Variants in ADAM17 observed in about 807,000 individuals in gnomAD.
ADAM17 encodes the protein disintegrin and metalloproteinase domain-containing protein 17.
In ADAM17, 39 loss-of-function variants were observed where a neutral mutation model predicts 96.7. That is an observed-to-expected ratio of 0.40 (90% CI 0.31 to 0.53). The LOEUF is 0.53. Ranked by LOEUF, ADAM17 falls within the 20% of genes least tolerant of loss-of-function variation. The pLI is 0.44. For synonymous variants in ADAM17, 344 were observed against 359.2 expected, an observed-to-expected ratio of 0.96 and a Z score of 0.48; for missense variants, 777 against 1,013.2, an observed-to-expected ratio of 0.77 and a Z score of 3.17.
intron 1 of ADAM17, among the ~76,000 whole-genome samples, chr2:9,545,790 C>T (rs1309977200): frequency 6.6e-6 from 1 of 152,050 alleles, no homozygotes; most frequent in African/African-American, 2.4e-5. Context: ...ATGTCGTTCA[C>T]AAAAGGTTTT....
rs765021012 is a variant in ADAM17, at chr2:9,521,330, G to A, written c.844-14C>T. Reference sequence around the variant, plus strand: ...GAGAATGCGAATCTATACTTAAAGAGATCATATACTTAGAACACTTCCAAA... The same window carrying A: ...GAGAATGCGAATCTATACTTAAAGAAATCATATACTTAGAACACTTCCAAA... On this transcript the variant is annotated splice_polypyrimidine_tract_variant and intron_variant, in intron 7 of 18. Coordinates refer to ENST00000310823, the MANE Select transcript of ADAM17 (RefSeq NM_003183.6). The A allele has an allele frequency of 3.3e-6, 5 of 1,532,410 alleles. No homozygotes were observed. The South Asian group carries it at 4.5e-5, about 14-fold the overall frequency. The allele number at this position is 1,532,410 out of a possible 1,614,324, so 94.9% of individuals were successfully genotyped here. A position where few individuals can be genotyped will look rare whatever the true frequency, so the allele number is the denominator to read the frequency against.
In ADAM17 at chr2:9,551,546, A is replaced by G. The variant is rs552617072; in HGVS notation, c.97+3963T>C. Among the ~76,000 whole-genome samples the G allele has an allele frequency of 4.0e-5, 6 of 151,788 alleles. No homozygotes were observed. The South Asian group carries it at 1.2e-3, about 32-fold the overall frequency. ...GCGATCTCGGCTCACTGCAAGCTCC[A>G]CCTCCCAGGTTCACACCATTCTCCT... is the stretch of plus-strand genomic sequence containing the variant. On this transcript the variant is annotated intron_variant, in intron 1 of 18. Transcript: ENST00000310823.
At chr2:9,542,209 T>C (rs754993772) in intron 2 of ADAM17, among the ~76,000 whole-genome samples, 7 of 152,018 alleles carry the variant, frequency 4.6e-5, no homozygotes, top group Non-Finnish European at 8.8e-5. Flanking sequence ...ATCCATCAAT[T>C]TATGCTAAGA....
intron 16 of ADAM17, 38 bp downstream of exon 16, chr2:9,493,709 A>G: frequency 6.4e-7 from 1 of 1,551,110 alleles, no homozygotes; most frequent in Non-Finnish European, 8.9e-7. Context: ...ACAGAAATTG[A>G]CTCAGCTCTC....
rs1663048540 is a variant in ADAM17 at position 9,502,249 on chromosome 2, G to A, written c.1572C>T (p.Asn524=). 6.2e-7 allele frequency: 1 copy of A among 1,614,008 alleles called. No individual in the cohort carries two copies. Among genetic ancestry groups the A allele is most frequent in the Non-Finnish European group, 8.5e-7 (1 of 1,180,026 alleles). ...TCTTCTGGGCAGTCTCAAACTGACA[G>A]TTTTTACAGCAAGGACTGTTCCTGT... ...CSDRNSPCCK[N]CQFETAQKKC... Residue 524 remains asparagine (N), a synonymous_variant, in exon 13 of 19, where the codon AAC becomes AAT. Transcript: ENST00000310823.
intron 8 of ADAM17, among the ~76,000 whole-genome samples, chr2:9,519,698 T>G (rs1054389424): frequency 1.3e-5 from 2 of 152,164 alleles, no homozygotes; most frequent in African/African-American, 4.8e-5. Context: ...GCTGGTGTCC[T>G]GATAAGGAGA....
intron 4 of ADAM17, among the ~76,000 whole-genome samples, chr2:9,531,053 G>C (rs907461949): frequency 2.0e-5 from 3 of 152,108 alleles, no homozygotes; most frequent in Non-Finnish European, 4.4e-5. Context: ...TGTCTCCCAG[G>C]TTCAAGCGAT....
chr2:9,546,433 C>T (rs1189769836), intron 1 of ADAM17, among the ~76,000 whole-genome samples: 3 of 152,188 alleles, frequency 2.0e-5, no homozygotes, highest in Non-Finnish European at 2.9e-5. Context: ...ACTGTAGCTA[C>T]GTACTACTGC....
Position 9,520,447 on chromosome 2 carries a change from T to C in ADAM17, c.957+756A>G, listed in dbSNP as rs1369364547. ...AAAATTTTAAATTCCTGTAGAGAAC[T>C]TTCAGATCTCCAAGCTATATTTCTA... On this transcript the variant is annotated intron_variant, in intron 8 of 18. Transcript: ENST00000310823. Among the ~76,000 whole-genome samples, 2 of 152,180 alleles carry C rather than the reference T, an allele frequency of 1.3e-5. 1 individual carries two copies. The highest frequency in any genetic ancestry group is 3.9e-4 in the East Asian group (2 of 5,190).
rs2124947605 is a variant in ADAM17 at position 9,490,208 on chromosome 2, T to C, written c.2444A>G (p.Asn815Ser). ...CTCTGTTTCTTTGCTGTCAACACGATTCTGACGCTGCAGTTTAAAGGAGGC... is the reference window on the plus strand; with the variant it reads ...CTCTGTTTCTTTGCTGTCAACACGACTCTGACGCTGCAGTTTAAAGGAGGC... ...KAASFKLQRQ[N>S]RVDSKETEC Residue 815 changes from asparagine (N) to serine (S), a missense_variant, in exon 19 of 19, where the codon AAT becomes AGT. Transcript: ENST00000310823. 2 of 1,599,986 alleles carry C rather than the reference T, an allele frequency of 1.3e-6. No homozygotes were observed. Among genetic ancestry groups the C allele is most frequent in the Admixed American group, 3.3e-5 (2 of 59,830 alleles).
Position 9,536,790 on chromosome 2 carries a change from A to G in ADAM17, c.269T>C (p.Phe90Ser), listed in dbSNP as rs1336613139. The G allele has an allele frequency of 6.2e-7, 1 of 1,614,110 alleles. No homozygotes were observed. The highest frequency in any genetic ancestry group is 1.7e-5 in the Admixed American group (1 of 60,024). The change falls in exon 3 of 19, where the codon TTT becomes TCT. Residue 90 changes from phenylalanine to serine, a missense_variant. Phe to Ser is a radical substitution (Grantham distance 155). Transcript: ENST00000310823. ...KLYLTSSTER[F>S]SQNFKVVVVD... is the part of the protein sequence containing the mutation. ...CACCACGACCTTGAAATTTTGTGAA[A>G]AACGTTCAGTACTTGATGTCAGGTA... is the stretch of plus-strand genomic sequence containing the variant.
At chr2:9,550,056 G>A (rs1665534697) in intron 1 of ADAM17, among the ~76,000 whole-genome samples, 1 of 152,072 alleles carries the variant, frequency 6.6e-6, no homozygotes, top group South Asian at 2.1e-4. Context: ...TGTTTGTGCT[G>A]AAGACACAGG....
Position 9,490,119 on chromosome 2 carries a change from G to T in ADAM17, c.*58C>A. ...ACAAAATACAAGCTGTGATTGATTT[G>T]TAGGTCAAATCTATAAAAATATTTT... On this transcript the variant is annotated 3_prime_UTR_variant, in exon 19 of 19. Coordinates refer to ENST00000310823, the MANE Select transcript of ADAM17 (RefSeq NM_003183.6). 1 of 1,417,000 alleles carries T rather than the reference G, an allele frequency of 7.1e-7. No homozygotes were observed. The highest frequency in any genetic ancestry group is 9.6e-7 in the Non-Finnish European group (1 of 1,039,820). The allele number at this position is 1,417,000 out of a possible 1,614,324, so 87.8% of individuals were successfully genotyped here. A position where few individuals can be genotyped will look rare whatever the true frequency, so the allele number is the denominator to read the frequency against.
At position 9,520,964 on chromosome 2, in the gene ADAM17, CAAAAAAAAA is replaced by C. The variant is rs55909096; in HGVS notation, c.957+230_957+238del. On this transcript the variant is annotated intron_variant, in intron 8 of 18. Transcript: ENST00000310823. ...GGGCAACAAGAGTGAAACTCTGTCT[CAAAAAAAAA>C]AAAAAAAAAAAAAGGAAGCATTGCT... is the stretch of plus-strand genomic sequence containing the variant. Among the ~76,000 whole-genome samples, 10 of 26,284 alleles carry C rather than the reference CAAAAAAAAA, an allele frequency of 3.8e-4. 2 individuals carry two copies. The highest frequency in any genetic ancestry group is 7.8e-4 in the Admixed American group (2 of 2,554). 17.2% of individuals were successfully genotyped at this position (26,284 alleles called of 152,430 possible). A position where few individuals can be genotyped will look rare whatever the true frequency, so the allele number is the denominator to read the frequency against.
At chr2:9,492,181 T>G (rs746580951) in intron 17 of ADAM17, among the ~76,000 whole-genome samples, 7 of 152,218 alleles carry the variant, frequency 4.6e-5, no homozygotes, top group Non-Finnish European at 7.3e-5. Context: ...AAGGCCACTA[T>G]GAAAGAGTTT....
intron 1 of ADAM17, 123 bp downstream of exon 1, chr2:9,555,386 C>G (rs1175211970): frequency 2.6e-5 from 21 of 794,418 alleles, no homozygotes; most frequent in South Asian, 2.0e-5. Flanking sequence ...ACACTGAAAA[C>G]TTAGGGACGC....
In ADAM17 at chr2:9,527,889, G is replaced by A. The variant is rs1572939240; in HGVS notation, c.516C>T (p.Ile172=). The change falls in exon 5 of 19, where the codon ATC becomes ATT. Residue 172 remains isoleucine (I), a synonymous_variant. Transcript: ENST00000310823. ...GAGACTGCAAACGTGAAACATTCTT[G>A]ATATCTTCAGATTTATAAACTAACA... ...KRMLVYKSED[I]KNVSRLQSPK... 1.9e-6 allele frequency: 3 copies of A among 1,594,520 alleles called. No homozygotes were observed. The highest frequency in any genetic ancestry group is 1.7e-5 in the Admixed American group (1 of 57,596).
intron 11 of ADAM17, chr2:9,505,760 G>A (rs1663350178): frequency 4.6e-6 from 1 of 219,406 alleles, no homozygotes; most frequent in South Asian, 7.8e-5. Context: ...CAAGAATTAA[G>A]AACCTCTGTA....
At chr2:9,527,615 T>TA in intron 5 of ADAM17, 171 bp downstream of exon 5, 1 of 419,420 alleles carries the variant, frequency 2.4e-6, no homozygotes, top group Non-Finnish European at 4.1e-6. Flanking sequence ...TTTCAACTCT[T>TA]ACATTATAAA....
Sources: allele counts gnomAD v4.1 joint callset (sites outside exome capture counted in the v4.1 genomes callset), GRCh38; gene constraint gnomAD v4.1.1; transcripts MANE v1.5; gene names NCBI Gene and HGNC (gene_info 2026-07-23, HGNC 2026-07-21).